Variants in REEP3 observed in about 807,000 individuals in gnomAD.
REEP3 encodes receptor accessory protein 3.
Under a neutral mutation model 41.3 loss-of-function variants are expected in REEP3, and 20 were observed. That is an observed-to-expected ratio of 0.48 (90% CI 0.34 to 0.70). The LOEUF (loss-of-function observed/expected upper bound fraction) is 0.70, where lower values mean the gene tolerates loss of function less well. Ranked by LOEUF, REEP3 falls within the 30% of genes least tolerant of loss-of-function variation. The pLI is 0.01. For synonymous variants in REEP3, 104 were observed against 101.8 expected, an observed-to-expected ratio of 1.02 and a Z score of -0.13; for missense variants, 271 against 308.8, an observed-to-expected ratio of 0.88 and a Z score of 0.92.
intron 6 of REEP3, 106 bp from the exon 7 acceptor site, chr10:63,619,549 T>G: frequency 2.2e-6 from 2 of 926,844 alleles, no homozygotes; most frequent in Non-Finnish European, 3.2e-6. Context: ...AAAGAGTAAC[T>G]GGGGGAAATG....
chr10:63,592,113 T>C (rs1956069697), intron 2 of REEP3, among the ~76,000 whole-genome samples: 1 of 151,588 alleles, frequency 6.6e-6, no homozygotes, highest in Non-Finnish European at 1.5e-5. Context: ...CTGAGGTCTC[T>C]GTGCTGAGTA....
rs1956148357 is a variant in REEP3 at position 63,599,162 on chromosome 10, T to C, written c.304-8T>C. ...AGTAAAACTAACATCTGTGGCTTTT[T>C]CCCCCAGGAGATTGATGATTATATT... On this transcript the variant is annotated splice_polypyrimidine_tract_variant and splice_region_variant and intron_variant, in intron 4 of 7. Transcript: ENST00000373758. 1 of 1,458,320 alleles carries C rather than the reference T, an allele frequency of 6.9e-7. No individual in the cohort carries two copies. The highest frequency in any genetic ancestry group is 9.4e-7 in the Non-Finnish European group (1 of 1,061,774). The allele number at this position is 1,458,320 out of a possible 1,614,324, so 90.3% of individuals were successfully genotyped here. A position where few individuals can be genotyped will look rare whatever the true frequency, so the allele number is the denominator to read the frequency against.
chr10:63,561,636 G>T (rs1165823292), intron 1 of REEP3, among the ~76,000 whole-genome samples: 2 of 152,232 alleles, frequency 1.3e-5, no homozygotes, highest in Non-Finnish European at 2.9e-5. Context: ...TAGAAAAACT[G>T]ATCTGACAGT....
intron 1 of REEP3, among the ~76,000 whole-genome samples, chr10:63,527,967 T>G (rs1461976510): frequency 7.5e-6 from 1 of 132,588 alleles, no homozygotes; most frequent in African/African-American, 2.7e-5. Context: ...TTTTTTTTTT[T>G]GTTTTTGTAA....
At chr10:63,581,650 G>A (rs1010661626) in intron 2 of REEP3, among the ~76,000 whole-genome samples, 2 of 151,984 alleles carry the variant, frequency 1.3e-5, no homozygotes, top group Admixed American at 1.3e-4. Context: ...GGCTGAGGGA[G>A]GAAGATCGCT....
At chr10:63,588,745 A>G (rs1488999487) in intron 2 of REEP3, among the ~76,000 whole-genome samples, 1 of 152,254 alleles carries the variant, frequency 6.6e-6, no homozygotes, top group East Asian at 1.9e-4. Flanking sequence ...TATGTGATAC[A>G]TGCTAAAGAG....
At chr10:63,589,942 G>A (rs996195917) in intron 2 of REEP3, among the ~76,000 whole-genome samples, 13 of 151,516 alleles carry the variant, frequency 8.6e-5, no homozygotes, top group African/African-American at 3.2e-4. Context: ...TTACAGACAC[G>A]CACTACCATG....
At chr10:63,589,505 C>G (rs548412011) in intron 2 of REEP3, among the ~76,000 whole-genome samples, 2 of 152,234 alleles carry the variant, frequency 1.3e-5, no homozygotes, top group African/African-American at 2.4e-5. Context: ...TTCTCCTAGC[C>G]CCCTCACTGC....
chr10:63,603,312 CAAAAAAAAAAA>C (rs67364276), intron 5 of REEP3, among the ~76,000 whole-genome samples: 3 of 62,858 alleles, frequency 4.8e-5, no homozygotes, highest in Non-Finnish European at 8.5e-5. Flanking sequence ...GACTCTGTCT[CAAAAAAAAAAA>C]AAAAAAAAAA....
intron 2 of REEP3, among the ~76,000 whole-genome samples, chr10:63,588,975 G>A (rs1329622041): frequency 6.6e-6 from 1 of 152,186 alleles, no homozygotes; most frequent in African/African-American, 2.4e-5. Context: ...AAAAGAGCAG[G>A]TGTGGCTGAA....
At chr10:63,589,156 T>G (rs1956034126) in intron 2 of REEP3, among the ~76,000 whole-genome samples, 1 of 152,198 alleles carries the variant, frequency 6.6e-6, no homozygotes, top group Admixed American at 6.5e-5. Context: ...ACCCTGACTG[T>G]TGTATGCAGA....
chr10:63,557,337 G>A (rs1955698054), intron 1 of REEP3, among the ~76,000 whole-genome samples: 1 of 152,000 alleles, frequency 6.6e-6, no homozygotes, highest in African/African-American at 2.4e-5. Flanking sequence ...AAAATAATTA[G>A]GAATAAATAT....
intron 2 of REEP3, among the ~76,000 whole-genome samples, chr10:63,572,384 GACATGGTGGTTTGCACCC>G (rs1180488272): frequency 6.6e-6 from 1 of 151,770 alleles, no homozygotes; most frequent in Non-Finnish European, 1.5e-5. Context: ...ATACATGTGT[GACATGGTGGTTTGCACCC>G]ATCAACCTGT....
chr10:63,558,552 C>T (rs1246406881), intron 1 of REEP3, among the ~76,000 whole-genome samples: 3 of 151,944 alleles, frequency 2.0e-5, no homozygotes, highest in South Asian at 2.1e-4. Flanking sequence ...TTTGGGAGGC[C>T]GAGGCAGACA....
intron 5 of REEP3, among the ~76,000 whole-genome samples, chr10:63,607,276 G>T (rs896260204): frequency 3.9e-5 from 6 of 152,138 alleles, no homozygotes; most frequent in African/African-American, 1.4e-4. Flanking sequence ...CTCAAAGAGG[G>T]CTCATATTCC....
At chr10:63,542,314 G>A (rs1224137535) in intron 1 of REEP3, among the ~76,000 whole-genome samples, 3 of 152,022 alleles carry the variant, frequency 2.0e-5, no homozygotes, top group African/African-American at 7.2e-5. Flanking sequence ...GACCTCAGGT[G>A]ATCCACCCGC....
chr10:63,524,919 C>T (rs1955346116), intron 1 of REEP3, among the ~76,000 whole-genome samples: 1 of 151,418 alleles, frequency 6.6e-6, no homozygotes, highest in African/African-American at 2.4e-5. Context: ...AGCTGAGGCA[C>T]TAGAATCACT....
chr10:63,531,732 C>T (rs1564991170), intron 1 of REEP3, among the ~76,000 whole-genome samples: 1 of 152,146 alleles, frequency 6.6e-6, no homozygotes, highest in African/African-American at 2.4e-5. Flanking sequence ...AGATATAGTC[C>T]GCTCAGCATC....
chr10:63,567,901 CTGAAG>C (rs886577748), intron 2 of REEP3, among the ~76,000 whole-genome samples: 2 of 152,108 alleles, frequency 1.3e-5, no homozygotes, highest in African/African-American at 4.8e-5. Flanking sequence ...AAACTAACTT[CTGAAG>C]TGAAGTATAT....
Sources: gnomAD v4.1 joint callset for allele counts (sites outside exome capture counted in the v4.1 genomes callset) on GRCh38, gnomAD v4.1.1 for gene constraint, MANE v1.5 for transcripts, NCBI Gene and HGNC (gene_info 2026-07-23, HGNC 2026-07-21) for gene names.